RASAL2: variants seen among roughly 807,000 people sequenced by gnomAD.
The protein encoded by RASAL2 is RAS protein activator like 2.
A neutral mutation model predicts 128.9 loss-of-function variants in RASAL2; 58 were observed. The ratio of observed to expected loss-of-function variants is 0.45; its 90% CI spans 0.36 to 0.56. RASAL2 has a LOEUF of 0.56. RASAL2 is among the 20% of genes least tolerant of loss of function. The probability of loss-of-function intolerance (pLI) is 0.00; values close to 1 mark genes in which losing one functional copy is unlikely to be tolerated. For missense variants in RASAL2, 1,360 were observed against 1,601.6 expected, an observed-to-expected ratio of 0.85 and a Z score of 2.57; for synonymous variants, 561 against 580.8, an observed-to-expected ratio of 0.97 and a Z score of 0.49.
At chr1:178,294,289 C>G (rs1332239080) in intron 2 of RASAL2, among the ~76,000 whole-genome samples, 1 of 152,116 alleles carries the variant, frequency 6.6e-6, no homozygotes, top group Non-Finnish European at 1.5e-5. Flanking sequence ...TACTTCCCCC[C>G]ACCCCCACAT....
intron 5 of RASAL2, among the ~76,000 whole-genome samples, chr1:178,425,976 T>G (rs186670948): frequency 6.6e-6 from 1 of 152,248 alleles, no homozygotes; most frequent in African/African-American, 2.4e-5. Context: ...CCACCTACTC[T>G]GGAAAGGTTC....
chr1:178,143,726 A>G (rs1323630015), intron 1 of RASAL2, among the ~76,000 whole-genome samples: 4 of 150,892 alleles, frequency 2.7e-5, no homozygotes, highest in African/African-American at 7.3e-5. Flanking sequence ...TGGTTAAAGG[A>G]TAATTTTGCT....
intron 4 of RASAL2, among the ~76,000 whole-genome samples, chr1:178,407,596 A>C (rs1674077137): frequency 6.6e-6 from 1 of 152,164 alleles, no homozygotes; most frequent in African/African-American, 2.4e-5. Flanking sequence ...TGAATCAGGT[A>C]ACATTTTGAG....
intron 1 of RASAL2, among the ~76,000 whole-genome samples, chr1:178,260,973 G>T (rs972922021): frequency 1.3e-5 from 2 of 152,132 alleles, no homozygotes; most frequent in Admixed American, 6.5e-5. Flanking sequence ...AATTGTTGTT[G>T]TTCTATAATC....
chr1:178,414,317 G>C (rs1339916495), intron 4 of RASAL2, among the ~76,000 whole-genome samples: 2 of 152,148 alleles, frequency 1.3e-5, no homozygotes, highest in African/African-American at 4.8e-5. Context: ...GGTACTGAGG[G>C]ATGAATAGGC....
chr1:178,236,554 G>C (rs1424327457), intron 1 of RASAL2, among the ~76,000 whole-genome samples: 1 of 151,974 alleles, frequency 6.6e-6, no homozygotes, highest in East Asian at 1.9e-4. Context: ...TAATTCCTTG[G>C]TTTTCAGTTG....
At chr1:178,283,799 T>A in intron 2 of RASAL2, 108 bp downstream of exon 2, 1 of 1,342,520 alleles carries the variant, frequency 7.4e-7, no homozygotes, top group Non-Finnish European at 1.0e-6. Flanking sequence ...AAATAAAGGC[T>A]TGATGAAGAT....
chr1:178,149,077 A>T (rs1037830832), intron 1 of RASAL2, among the ~76,000 whole-genome samples: 1 of 152,108 alleles, frequency 6.6e-6, no homozygotes, highest in Non-Finnish European at 1.5e-5. Flanking sequence ...GTGCCATATG[A>T]ATGATCTAAA....
intron 1 of RASAL2, among the ~76,000 whole-genome samples, chr1:178,170,699 T>A (rs895909107): frequency 1.3e-4 from 20 of 151,642 alleles, no homozygotes; most frequent in Non-Finnish European, 2.2e-4. Flanking sequence ...ATATTATATA[T>A]CCATGAGCTC....
At chr1:178,167,856 T>C (rs946852990) in intron 1 of RASAL2, among the ~76,000 whole-genome samples, 4 of 152,106 alleles carry the variant, frequency 2.6e-5, no homozygotes, top group African/African-American at 9.7e-5. Flanking sequence ...CCCGTGCGAT[T>C]AAAACCTGTG....
chr1:178,326,868 C>T (rs1571864065), intron 3 of RASAL2, among the ~76,000 whole-genome samples: 3 of 152,110 alleles, frequency 2.0e-5, no homozygotes. Flanking sequence ...TTCTATAACC[C>T]CCTTTTTCTC....
chr1:178,167,579 A>G (rs1433041010), intron 1 of RASAL2, among the ~76,000 whole-genome samples: 1 of 152,100 alleles, frequency 6.6e-6, no homozygotes, highest in East Asian at 1.9e-4. Context: ...ATTTGCATGT[A>G]ACTTTTGTCT....
chr1:178,258,290 T>G, intron 1 of RASAL2, among the ~76,000 whole-genome samples: 1 of 113,590 alleles, frequency 8.8e-6, no homozygotes, highest in African/African-American at 3.6e-5. Context: ...CAAGACTGCA[T>G]CTCAAAAAAA....
chr1:178,279,703 A>G (rs1394357540), intron 1 of RASAL2, among the ~76,000 whole-genome samples: 3 of 152,196 alleles, frequency 2.0e-5, no homozygotes, highest in East Asian at 1.9e-4. Context: ...AAAGGAAGAC[A>G]TAAACTTATC....
chr1:178,179,444 A>T (rs574482651), intron 1 of RASAL2, among the ~76,000 whole-genome samples: 1 of 152,354 alleles, frequency 6.6e-6, no homozygotes, highest in Non-Finnish European at 1.5e-5. Context: ...AGAGTAGCGA[A>T]GAGTCCACCT....
chr1:178,133,485 C>CTTT (rs928071975), intron 1 of RASAL2, among the ~76,000 whole-genome samples: 2 of 137,054 alleles, frequency 1.5e-5, no homozygotes, highest in South Asian at 2.4e-4. Flanking sequence ...CCTGTTACTT[C>CTTT]TTTTTTTTTT....
At chr1:178,291,620 G>A (rs1222322087) in intron 2 of RASAL2, among the ~76,000 whole-genome samples, 1 of 152,162 alleles carries the variant, frequency 6.6e-6, no homozygotes, top group Non-Finnish European at 1.5e-5. Context: ...GCTTTACATT[G>A]CTTTACTTGA....
At chr1:178,267,541 T>C (rs1571742831) in intron 1 of RASAL2, among the ~76,000 whole-genome samples, 2 of 152,076 alleles carry the variant, frequency 1.3e-5, no homozygotes, top group South Asian at 4.2e-4. Context: ...TTATTACTTA[T>C]TCTTCTCAGA....
At chr1:178,256,891 C>T (rs896737426) in intron 1 of RASAL2, among the ~76,000 whole-genome samples, 3 of 152,094 alleles carry the variant, frequency 2.0e-5, no homozygotes, top group Non-Finnish European at 1.5e-5. Flanking sequence ...CCAGGCTGGT[C>T]TCAAACTCCT....
Sources: gnomAD v4.1 joint callset for allele counts (sites outside exome capture counted in the v4.1 genomes callset) on GRCh38, gnomAD v4.1.1 for gene constraint, MANE v1.5 for transcripts, NCBI Gene and HGNC (gene_info 2026-07-23, HGNC 2026-07-21) for gene names.